The following WDR26 variants were observed in gnomAD, a reference collection of about 807,000 sequenced individuals.
WDR26 encodes the protein WD repeat domain 26.
Under a neutral mutation model 84.1 loss-of-function variants are expected in WDR26, and 5 were observed. The observed-to-expected ratio is 0.06, with a 90% CI of 0.03 to 0.13. The LOEUF (loss-of-function observed/expected upper bound fraction) is 0.13. WDR26 is among the 10% of genes least tolerant of loss of function. The pLI is 1.00. For missense variants in WDR26, 642 were observed against 974.9 expected, an observed-to-expected ratio of 0.66 and a Z score of 4.55; for synonymous variants, 415 against 389.6, an observed-to-expected ratio of 1.07 and a Z score of -0.77.
chr1:224,393,783 T>C, intron 13 of WDR26, 45 bp downstream of exon 13: 1 of 1,415,768 alleles, frequency 7.1e-7, no homozygotes, highest in Non-Finnish European at 9.5e-7. Flanking sequence ...AGCCGAGTGA[T>C]GTTTCATTTG....
At chr1:224,396,731 G>A (rs1448563030) in intron 12 of WDR26, among the ~76,000 whole-genome samples, 1 of 152,146 alleles carries the variant, frequency 6.6e-6, no homozygotes, top group Non-Finnish European at 1.5e-5. Context: ...GGCTGAGGCA[G>A]GTAGACTGCT....
chr1:224,389,994 TCAAAG>T (rs1673079919), intron 13 of WDR26, 134 bp from the exon 14 acceptor site: 1 of 628,780 alleles, frequency 1.6e-6, no homozygotes. Flanking sequence ...CATTAAAAAA[TCAAAG>T]CAAATTCTTG....
At chr1:224,390,560 A>ATTTTCCTT (rs1452440174) in intron 13 of WDR26, among the ~76,000 whole-genome samples, 1 of 152,172 alleles carries the variant, frequency 6.6e-6, no homozygotes, top group Non-Finnish European at 1.5e-5. Context: ...GGAGTTGTTA[A>ATTTTCCTT]TTTTCCTTTT....
chr1:224,400,467 A>C (rs920595674), intron 9 of WDR26, among the ~76,000 whole-genome samples: 122 of 152,352 alleles, frequency 8.0e-4, no homozygotes, highest in Non-Finnish European at 1.4e-3. Context: ...GAAAGGAAAA[A>C]AATGACCCAG....
chr1:224,425,732 G>A (rs1354020287), intron 3 of WDR26, among the ~76,000 whole-genome samples: 1 of 152,188 alleles, frequency 6.6e-6, no homozygotes, highest in Non-Finnish European at 1.5e-5. Context: ...GCCAATTAAT[G>A]TAAACAGAGA....
intron 12 of WDR26, among the ~76,000 whole-genome samples, chr1:224,396,863 T>G (rs1325622176): frequency 6.6e-6 from 1 of 151,014 alleles, no homozygotes; most frequent in Non-Finnish European, 1.5e-5. Context: ...AGGTGGAGGT[T>G]GCATCAAGAT....
At chr1:224,401,704 A>AAAC in intron 8 of WDR26, among the ~76,000 whole-genome samples, 1 of 148,550 alleles carries the variant, frequency 6.7e-6, no homozygotes, top group Non-Finnish European at 1.5e-5. Flanking sequence ...AAAAAAAAGA[A>AAAC]AAAAGAAAAA....
At chr1:224,420,438 C>T (rs1674026594) in intron 4 of WDR26, among the ~76,000 whole-genome samples, 1 of 152,172 alleles carries the variant, frequency 6.6e-6, no homozygotes, top group Non-Finnish European at 1.5e-5. Context: ...CTGTCTCATG[C>T]TCTGCCAGAC....
chr1:224,434,229 C>T lies in WDR26; in HGVS notation c.177G>A (p.Ser59=), dbSNP rs953891330. Residue 59 remains serine, a synonymous_variant, in exon 1 of 14, where the codon TCG becomes TCA. Coordinates refer to ENST00000414423, the MANE Select transcript of WDR26 (RefSeq NM_001379403.1). Reference sequence around the variant, plus strand: ...CGGAGGAGGAGGAGGAGGAGGAGGACGAGGACGACGAGGACGGAGGGGAGA... The same window carrying T: ...CGGAGGAGGAGGAGGAGGAGGAGGATGAGGACGACGAGGACGGAGGGGAGA... 1 of 1,286,960 alleles carries T rather than the reference C, an allele frequency of 7.8e-7. No homozygotes were observed. The highest frequency in any genetic ancestry group is 1.9e-5 in the South Asian group (1 of 51,842). The allele number at this position is 1,286,960 out of a possible 1,614,324, so 79.7% of individuals were successfully genotyped here.
intron 3 of WDR26, among the ~76,000 whole-genome samples, chr1:224,429,119 G>A (rs183604194): frequency 8.6e-5 from 13 of 151,780 alleles, no homozygotes; most frequent in East Asian, 5.8e-4. Context: ...AAAATTAGCC[G>A]GGCATGGTGG....
intron 4 of WDR26, among the ~76,000 whole-genome samples, chr1:224,421,568 T>A (rs1394379072): frequency 7.2e-5 from 11 of 151,958 alleles, no homozygotes; most frequent in Non-Finnish European, 1.5e-4. Flanking sequence ...GCAGCATGGA[T>A]AATGGAGAGA....
In WDR26 at chr1:224,398,543, C is replaced by T. The variant is rs760399308; in HGVS notation, c.1916G>A (p.Arg639Gln). 1.6e-5 allele frequency: 25 copies of T among 1,609,622 alleles called. No individual in the cohort carries two copies. The highest frequency in any genetic ancestry group is 3.3e-5 in the South Asian group (3 of 89,904). Reference sequence around the variant, plus strand: ...AGTTGCTACATTTAACAAAGCTAATCGGCCATTTTTTGAAATAGTAAAAGA... The same window carrying T: ...AGTTGCTACATTTAACAAAGCTAATTGGCCATTTTTTGAAATAGTAAAAGA... Residue 639 changes from arginine (R) to glutamine (Q), a missense_variant, in exon 11 of 14, where the codon CGA becomes CAA. Physicochemically the swap from Arg to Gln is conservative, Grantham distance 43. This residue lies in a region of WDR26 where 351 missense variants were observed against 672.8 expected (regional missense o/e 0.52). Coordinates refer to ENST00000414423, the MANE Select transcript of WDR26 (RefSeq NM_001379403.1).
At position 224,418,387 on chromosome 1, in the gene WDR26, G is replaced by C. The variant is rs762612563; in HGVS notation, c.1192C>G (p.Pro398Ala). 1.2e-6 allele frequency: 2 copies of C among 1,612,770 alleles called. No individual in the cohort carries two copies. Among genetic ancestry groups the C allele is most frequent in the Non-Finnish European group, 1.7e-6 (2 of 1,179,308 alleles). The change falls in exon 6 of 14, where the codon CCA becomes GCA. Residue 398 changes from proline to alanine, a missense_variant. Around this residue, in one of 2 missense-constraint regions of WDR26, gnomAD observed 351 missense variants for 672.8 expected, o/e 0.52. Coordinates refer to ENST00000414423, the MANE Select transcript of WDR26 (RefSeq NM_001379403.1). ...CGCAGGAGAGTCTGTAAACGCCGTGGGGGAAGCATCACTGATGGTGGTAAA... is the reference window on the plus strand; with the variant it reads ...CGCAGGAGAGTCTGTAAACGCCGTGCGGGAAGCATCACTGATGGTGGTAAA...
chr1:224,431,746 C>A lies in WDR26; in HGVS notation c.758G>T (p.Cys253Phe). 6.2e-7 allele frequency: 1 copy of A among 1,613,840 alleles called. No individual in the cohort carries two copies. Among genetic ancestry groups the A allele is most frequent in the Non-Finnish European group, 8.5e-7 (1 of 1,179,812 alleles). Residue 253 changes from cysteine to phenylalanine, a missense_variant, in exon 2 of 14, where the codon TGT (cysteine) becomes TTT (phenylalanine). By Grantham distance (205) the Cys-to-Phe change is radical. Transcript: ENST00000414423. The stretch of plus-strand genomic sequence containing the variant: ...GGTAGCAGAAGGATGTTCTAAACGA[C>A]ATCCTGACTCTTGCATGAGGAGATC...
chr1:224,433,600 T>TCCCCCCCCCCCCCCCCCCCCCCCCC, intron 1 of WDR26, 84 bp downstream of exon 1: 1 of 287,054 alleles, frequency 3.5e-6, no homozygotes, highest in Non-Finnish European at 6.3e-6. Flanking sequence ...CAAGCCCCCC[T>TCCCCCCCCCCCCCCCCCCCCCCCCC]CCCCCCTCCG....
At chr1:224,423,800 G>C (rs968407819) in intron 4 of WDR26, among the ~76,000 whole-genome samples, 3 of 152,182 alleles carry the variant, frequency 2.0e-5, no homozygotes, top group African/African-American at 7.2e-5. Context: ...TGGGAGTTCA[G>C]ATGAGAAGCT....
rs945585204 is a variant in WDR26, at chr1:224,385,891, G to A, written c.*3944C>T. On this transcript the variant is annotated 3_prime_UTR_variant, in exon 14 of 14. Coordinates refer to ENST00000414423, the MANE Select transcript of WDR26 (RefSeq NM_001379403.1). ...CTCAGAGGGCACTTCACATGTGCAC[G>A]AGACTTTCAGTAAAAATGACAAGAT... is the stretch of plus-strand genomic sequence containing the variant. The A allele has an allele frequency of 2.6e-5, 4 of 152,192 alleles. No homozygotes were observed. Among genetic ancestry groups the A allele is most frequent in the Non-Finnish European group, 4.4e-5 (3 of 67,998 alleles). The allele number at this position is 152,192 out of a possible 1,614,324, so 9.4% of individuals were successfully genotyped here.
intron 7 of WDR26, among the ~76,000 whole-genome samples, chr1:224,410,173 C>T (rs1321961290): frequency 1.4e-5 from 2 of 148,044 alleles, no homozygotes; most frequent in Non-Finnish European, 3.0e-5. Context: ...CCCAGCTACT[C>T]GGGAGGCTGA....
chr1:224,398,614 GT>G, intron 10 of WDR26, 21 bp from the exon 11 acceptor site: 2 of 1,568,638 alleles, frequency 1.3e-6, no homozygotes, highest in Non-Finnish European at 1.7e-6. Context: ...AAAATAATTT[GT>G]CAAAAACAAC....
Sources: gnomAD v4.1 joint callset for allele counts (sites outside exome capture counted in the v4.1 genomes callset) on GRCh38, gnomAD v4.1.1 for gene constraint, gnomAD v4.1.1 regional missense constraint, MANE v1.5 for transcripts, NCBI Gene and HGNC (gene_info 2026-07-23, HGNC 2026-07-21) for gene names.